The following CDKN3 variants were observed in gnomAD, a reference collection of about 807,000 sequenced individuals.
CDKN3 encodes cyclin dependent kinase inhibitor 3, also known as cyclin-dependent kinase inhibitor 3.
A neutral mutation model predicts 36.1 loss-of-function variants in CDKN3; 19 were observed. The observed-to-expected ratio is 0.53, with a 90% CI of 0.37 to 0.77. The LOEUF (loss-of-function observed/expected upper bound fraction) is 0.77, where lower values mean the gene tolerates loss of function less well. Among genes scored for constraint, CDKN3 ranks in the 30% least tolerant of loss-of-function variants. CDKN3 has a pLI of 0.00. For synonymous variants in CDKN3, 71 were observed against 85.3 expected, an observed-to-expected ratio of 0.83 and a Z score of 0.92; for missense variants, 188 against 248.6, an observed-to-expected ratio of 0.76 and a Z score of 1.64.
At chr14:54,401,489 C>T (rs2139967435) in intron 2 of CDKN3, 35 bp from the exon 3 acceptor site, 1 of 1,492,082 alleles carries the variant, frequency 6.7e-7, no homozygotes, top group Non-Finnish European at 9.3e-7. Context: ...TTTTTAAAAA[C>T]TTAACTAAAC....
chr14:54,406,183 T>C (rs1295504089), intron 3 of CDKN3, among the ~76,000 whole-genome samples: 1 of 152,242 alleles, frequency 6.6e-6, no homozygotes, highest in Non-Finnish European at 1.5e-5. Flanking sequence ...TCTTCTGGCT[T>C]GTAGGGTTTC....
intron 4 of CDKN3, among the ~76,000 whole-genome samples, chr14:54,411,015 C>T (rs778164823): frequency 1.4e-4 from 22 of 151,846 alleles, no homozygotes; most frequent in Non-Finnish European, 2.5e-4. Flanking sequence ...CCCGTCTCTA[C>T]TAAAAATACA....
intron 3 of CDKN3, among the ~76,000 whole-genome samples, chr14:54,404,398 C>T (rs2030073096): frequency 6.6e-6 from 1 of 151,954 alleles, no homozygotes; most frequent in Admixed American, 6.6e-5. Context: ...GTGGTGATAT[C>T]CCCTTTATCA....
intron 7 of CDKN3, among the ~76,000 whole-genome samples, chr14:54,419,433 G>C (rs1407753763): frequency 6.6e-6 from 1 of 152,140 alleles, no homozygotes; most frequent in Non-Finnish European, 1.5e-5. Context: ...TCTTTTGGGA[G>C]GCTATTAAAA....
rs1447356523 is a variant in CDKN3 at position 54,401,521 on chromosome 14, C to G, written c.93-3C>G. On this transcript the variant is annotated splice_region_variant and splice_polypyrimidine_tract_variant and intron_variant, in intron 2 of 7. Transcript: ENST00000335183. ...AAACATGAAAAATTTTTCTTCTTTT[C>G]AGGCTATCTTTGTCACGAGTGAATT... 3.1e-6 allele frequency: 5 copies of G among 1,605,228 alleles called. No homozygotes were observed. Among genetic ancestry groups the G allele is most frequent in the Non-Finnish European group, 2.6e-6 (3 of 1,175,278 alleles).
intron 3 of CDKN3, 45 bp from the exon 4 acceptor site, chr14:54,408,700 A>G (rs368737193): frequency 3.1e-5 from 48 of 1,549,374 alleles, no homozygotes; most frequent in Non-Finnish European, 4.2e-5. Flanking sequence ...CCTGTTACAT[A>G]TGACGAAAAA....
chr14:54,409,132 C>T (rs1289963732), intron 4 of CDKN3, among the ~76,000 whole-genome samples: 1 of 152,042 alleles, frequency 6.6e-6, no homozygotes, highest in Admixed American at 6.6e-5. Context: ...GCAGACTTGA[C>T]TGTGGTAGTA....
At chr14:54,411,289 T>A (rs941052912) in intron 4 of CDKN3, 195 bp from the exon 5 acceptor site, 13 of 519,262 alleles carry the variant, frequency 2.5e-5, no homozygotes, top group Non-Finnish European at 4.4e-5. Flanking sequence ...GTAAAAGGCA[T>A]TTTGACTTGT....
At chr14:54,402,427 TC>T (rs1275972906) in intron 3 of CDKN3, among the ~76,000 whole-genome samples, 1 of 152,130 alleles carries the variant, frequency 6.6e-6, no homozygotes, top group Non-Finnish European at 1.5e-5. Flanking sequence ...TTGTTTAAGT[TC>T]CTTGTAGATT....
intron 1 of CDKN3, among the ~76,000 whole-genome samples, chr14:54,399,473 A>G (rs1247031615): frequency 6.6e-6 from 1 of 152,234 alleles, no homozygotes; most frequent in African/African-American, 2.4e-5. Context: ...CTCTCCAGCC[A>G]TACTGAAGGC....
chr14:54,420,124 C>G lies in CDKN3; in HGVS notation c.*46C>G. On this transcript the variant is annotated 3_prime_UTR_variant, in exon 8 of 8. Coordinates refer to ENST00000335183, the MANE Select transcript of CDKN3 (RefSeq NM_005192.4). ...TATGACCATGTCTGAAATGTCAGTT[C>G]TCTAGCATAATTTGTATTGAAATGA... 9.2e-7 allele frequency: 1 copy of G among 1,091,694 alleles called. No homozygotes were observed. Among genetic ancestry groups the G allele is most frequent in the South Asian group, 1.4e-5 (1 of 73,436 alleles). 67.6% of individuals were successfully genotyped at this position (1,091,694 alleles called of 1,614,324 possible). A position where few individuals can be genotyped will look rare whatever the true frequency, so the allele number is the denominator to read the frequency against.
chr14:54,406,188 G>C (rs2030149984), intron 3 of CDKN3, among the ~76,000 whole-genome samples: 1 of 152,160 alleles, frequency 6.6e-6, no homozygotes, highest in Admixed American at 6.5e-5. Flanking sequence ...TGGCTTGTAG[G>C]GTTTCTGCAG....
intron 1 of CDKN3, among the ~76,000 whole-genome samples, chr14:54,398,420 C>T (rs546214019): frequency 3.0e-4 from 45 of 152,284 alleles, no homozygotes; most frequent in African/African-American, 9.9e-4. Flanking sequence ...TGCCTGCCTG[C>T]AGAAGGTGCT....
At chr14:54,397,372 CGA>C (rs1336451563) in intron 1 of CDKN3, among the ~76,000 whole-genome samples, 2 of 152,260 alleles carry the variant, frequency 1.3e-5, no homozygotes, top group Non-Finnish European at 2.9e-5. Flanking sequence ...CAAAGAGGGC[CGA>C]GCCTCGTTGT....
intron 3 of CDKN3, among the ~76,000 whole-genome samples, chr14:54,401,912 A>G (rs747374700): frequency 6.6e-6 from 1 of 152,138 alleles, no homozygotes; most frequent in Non-Finnish European, 1.5e-5. Flanking sequence ...CTTCACTTAG[A>G]ATAATAGTCT....
At chr14:54,415,515 T>C (rs2268333) in intron 5 of CDKN3, among the ~76,000 whole-genome samples, 19,453 of 152,252 alleles carry the variant, frequency 0.13, 3,584 homozygotes, top group African/African-American at 0.4. Flanking sequence ...GATACATGAA[T>C]GGTTATTATC....
At chr14:54,413,714 C>A (rs2030437162) in intron 5 of CDKN3, 1 of 1,532,832 alleles carries the variant, frequency 6.5e-7, no homozygotes, top group Non-Finnish European at 8.7e-7. Flanking sequence ...GCAACAGGAT[C>A]TGGTAAACCT....
rs1272881861 is a variant in CDKN3, at chr14:54,401,617, T to C, written c.148+38T>C. ...ATAATGGGCTTCCTATCAATATGTATATATTTTTTAATATATTTTTATTGC... is the reference window on the plus strand; with the variant it reads ...ATAATGGGCTTCCTATCAATATGTACATATTTTTTAATATATTTTTATTGC... On this transcript the variant is annotated intron_variant, in intron 3 of 7. Coordinates refer to ENST00000335183, the MANE Select transcript of CDKN3 (RefSeq NM_005192.4). 7 of 1,334,734 alleles carry C rather than the reference T, an allele frequency of 5.2e-6. No individual in the cohort carries two copies. In the Admixed American group the frequency reaches 1.5e-4, roughly 29 times the overall value. 82.7% of individuals were successfully genotyped at this position (1,334,734 alleles called of 1,614,324 possible). A position where few individuals can be genotyped will look rare whatever the true frequency, so the allele number is the denominator to read the frequency against.
chr14:54,412,232 A>G lies in CDKN3; in HGVS notation c.416+526A>G, dbSNP rs140714772. On this transcript the variant is annotated intron_variant, in intron 5 of 7. Coordinates refer to ENST00000335183, the MANE Select transcript of CDKN3 (RefSeq NM_005192.4). ...CCCATCTCCGCAAAAAGTATACAAA[A>G]GAACATGCCAGGCATGGTGGTACGT... Among the ~76,000 whole-genome samples, 314 of 152,202 alleles carry G rather than the reference A, an allele frequency of 2.1e-3. 2 individuals carry two copies. Among genetic ancestry groups the G allele is most frequent in the African/African-American group, 7.1e-3 (296 of 41,542 alleles).
Sources: allele counts gnomAD v4.1 joint callset (sites outside exome capture counted in the v4.1 genomes callset), GRCh38; gene constraint gnomAD v4.1.1; transcripts MANE v1.5; gene names NCBI Gene and HGNC (gene_info 2026-07-23, HGNC 2026-07-21).